Variants in TP53BP2 observed in about 807,000 individuals in gnomAD.
The protein encoded by TP53BP2 is apoptosis-stimulating of p53 protein 2.
Under a neutral mutation model 126.2 loss-of-function variants are expected in TP53BP2, and 62 were observed. The observed-to-expected ratio is 0.49, with a 90% CI of 0.40 to 0.61. TP53BP2 has a LOEUF of 0.61. Among genes scored for constraint, TP53BP2 ranks in the 20% least tolerant of loss-of-function variants. TP53BP2 has a pLI of 0.00. For synonymous variants in TP53BP2, 485 were observed against 502.9 expected (o/e 0.96, Z 0.48); for missense variants, 1,215 against 1,402.8 (o/e 0.87, Z 2.14).
At chr1:223,801,209 G>T (rs1398107629) in intron 9 of TP53BP2, among the ~76,000 whole-genome samples, 1 of 152,104 alleles carries the variant, frequency 6.6e-6, no homozygotes, top group African/African-American at 2.4e-5. Flanking sequence ...GACTTCAACT[G>T]CACTCTTTCA....
intron 5 of TP53BP2, among the ~76,000 whole-genome samples, chr1:223,805,259 G>GAA (rs56694177): frequency 3.3e-5 from 5 of 149,684 alleles, no homozygotes; most frequent in South Asian, 2.1e-4. Context: ...CATCTCAAAA[G>GAA]AAAAAAAAAC....
At chr1:223,836,939 AC>A (rs974768078) in intron 1 of TP53BP2, among the ~76,000 whole-genome samples, 6 of 151,854 alleles carry the variant, frequency 4.0e-5, no homozygotes, top group Non-Finnish European at 5.9e-5. Flanking sequence ...CAAAATAGAT[AC>A]CCCCCAAACT....
At chr1:223,827,145 A>G (rs979164368) in intron 1 of TP53BP2, among the ~76,000 whole-genome samples, 5 of 152,152 alleles carry the variant, frequency 3.3e-5, no homozygotes, top group African/African-American at 1.2e-4. Flanking sequence ...CTGAGATGAG[A>G]AAGCAAGAGA....
At chr1:223,808,216 T>C (rs953200082) in intron 4 of TP53BP2, among the ~76,000 whole-genome samples, 1 of 152,168 alleles carries the variant, frequency 6.6e-6, no homozygotes, top group African/African-American at 2.4e-5. Flanking sequence ...CAATTAGATA[T>C]TCATATTACA....
At chr1:223,844,380 A>C (rs1181111992) in intron 1 of TP53BP2, among the ~76,000 whole-genome samples, 1 of 152,208 alleles carries the variant, frequency 6.6e-6, no homozygotes, top group African/African-American at 2.4e-5. Context: ...TCTTGCTCCT[A>C]CTGTTAGGAA....
chr1:223,814,158 G>T, intron 3 of TP53BP2, 82 bp downstream of exon 3: 1 of 979,254 alleles, frequency 1.0e-6, no homozygotes, highest in Non-Finnish European at 1.6e-6. Context: ...AAATTACCTG[G>T]CTTCTCATCA....
At chr1:223,792,634 T>TA (rs1662191204) in intron 14 of TP53BP2, 112 bp from the exon 15 acceptor site, 3 of 1,034,540 alleles carry the variant, frequency 2.9e-6, no homozygotes, top group Non-Finnish European at 4.1e-6. Flanking sequence ...GTGACACTTT[T>TA]AAAAATCATA....
intron 2 of TP53BP2, 46 bp from the exon 3 acceptor site, chr1:223,814,399 GATAAAT>G: frequency 7.6e-7 from 1 of 1,317,588 alleles, no homozygotes; most frequent in Non-Finnish European, 1.1e-6. Flanking sequence ...GTAAAAGAAA[GATAAAT>G]ATATCATTCA....
At position 223,780,701 on chromosome 1, in the gene TP53BP2, C is replaced by T. The variant is rs1661740127; in HGVS notation, c.*152G>A. 2.7e-6 allele frequency: 2 copies of T among 728,130 alleles called. No homozygotes were observed. Among genetic ancestry groups the T allele is most frequent in the Admixed American group, 5.7e-5 (2 of 35,026 alleles). The allele number at this position is 728,130 out of a possible 1,614,324, so 45.1% of individuals were successfully genotyped here. A position where few individuals can be genotyped will look rare whatever the true frequency, so the allele number is the denominator to read the frequency against. On this transcript the variant is annotated 3_prime_UTR_variant, in exon 18 of 18. Transcript: ENST00000343537. ...AAATGTCCTCTAATGGTGAATTCTT[C>T]AATCCTTCATTCTCTTCTAGAGACA...
intron 14 of TP53BP2, 22 bp from the exon 15 acceptor site, chr1:223,792,544 G>GCAT (rs1558090122): frequency 6.2e-7 from 1 of 1,612,730 alleles, no homozygotes; most frequent in East Asian, 2.2e-5. Flanking sequence ...AGAAGGGTGA[G>GCAT]CATCACTCTA....
At position 223,821,303 on chromosome 1, in the gene TP53BP2, T is replaced by C. The variant is rs1316979021; in HGVS notation, c.92A>G (p.Glu31Gly). ...ATCCACCACGTCTCTGCATATTGTT[T>C]CTGGAGTAACTGGAACTTCTGTGAA... ...QHFTEVPVTP[E>G]TICRDVVDLC... The change falls in exon 2 of 18, where the codon GAA becomes GGA. Residue 31 changes from glutamate (E) to glycine (G), a missense_variant. Glu to Gly is a moderately conservative substitution (Grantham distance 98). This residue lies in a region of TP53BP2 where 814 missense variants were observed against 853.0 expected (regional missense o/e 0.95). Coordinates refer to ENST00000343537, the MANE Select transcript of TP53BP2 (RefSeq NM_001031685.3). The C allele has an allele frequency of 6.2e-7, 1 of 1,613,956 alleles. No individual in the cohort carries two copies. The highest frequency in any genetic ancestry group is 2.2e-5 in the East Asian group (1 of 44,902).
At chr1:223,844,989 G>A (rs1167929483) in intron 1 of TP53BP2, among the ~76,000 whole-genome samples, 1 of 152,172 alleles carries the variant, frequency 6.6e-6, no homozygotes, top group African/African-American at 2.4e-5. Context: ...TCTCAAACCT[G>A]CTGTTCATCT....
In TP53BP2 at chr1:223,799,965, A is replaced by G; in HGVS notation, c.1419T>C (p.Asn473=). 6.2e-7 allele frequency: 1 copy of G among 1,613,586 alleles called. No individual in the cohort carries two copies. Among genetic ancestry groups the G allele is most frequent in the African/African-American group, 1.3e-5 (1 of 75,034 alleles). The part of the protein sequence containing the change: ...FSMFDAVDQS[N]APPSFGTLRK... Reference sequence around the variant, plus strand: ...TCAGAGTACCAAAGGAAGGTGGGGCATTGGACTGGTCTACTGCATCAAACA... The same window carrying G: ...TCAGAGTACCAAAGGAAGGTGGGGCGTTGGACTGGTCTACTGCATCAAACA... The change falls in exon 11 of 18, where the codon AAT becomes AAC. Residue 473 remains asparagine (N), a synonymous_variant. Coordinates refer to ENST00000343537, the MANE Select transcript of TP53BP2 (RefSeq NM_001031685.3).
chr1:223,811,011 T>C (rs1356614796), intron 3 of TP53BP2, among the ~76,000 whole-genome samples: 1 of 152,170 alleles, frequency 6.6e-6, no homozygotes, highest in Non-Finnish European at 1.5e-5. Context: ...TCTTAATTAT[T>C]TGGTTTATTG....
intron 9 of TP53BP2, 84 bp from the exon 10 acceptor site, chr1:223,800,894 T>G: frequency 1.1e-6 from 1 of 914,180 alleles, no homozygotes; most frequent in Non-Finnish European, 1.7e-6. Context: ...TTTTAATCTC[T>G]AAAAACAGCT....
In TP53BP2 at chr1:223,821,286, C is replaced by T. The variant is rs760385670; in HGVS notation, c.109G>A (p.Val37Met). 46 of 1,613,944 alleles carry T rather than the reference C, an allele frequency of 2.9e-5. No individual in the cohort carries two copies. The highest frequency in any genetic ancestry group is 4.0e-5 in the African/African-American group (3 of 74,942). Residue 37 changes from valine to methionine, a missense_variant, in exon 2 of 18, where the codon GTG (valine) becomes ATG (methionine). This residue lies in a region of TP53BP2 where 814 missense variants were observed against 853.0 expected (regional missense o/e 0.95). Transcript: ENST00000343537. ...CCGGGTTCTTTGCACAGATCCACCA[C>T]GTCTCTGCATATTGTTTCTGGAGTA... ...PVTPETICRD[V>M]VDLCKEPGES...
intron 1 of TP53BP2, among the ~76,000 whole-genome samples, chr1:223,842,833 C>T (rs555768304): frequency 1.3e-5 from 2 of 152,302 alleles, no homozygotes; most frequent in South Asian, 4.1e-4. Context: ...CACTAAAAAG[C>T]CAAACTCTCA....
At chr1:223,804,491 C>A in intron 5 of TP53BP2, 143 bp from the exon 6 acceptor site, 1 of 712,684 alleles carries the variant, frequency 1.4e-6, no homozygotes, top group Non-Finnish European at 2.3e-6. Context: ...CTAAACACTG[C>A]CATCAGAATC....
Position 223,796,528 on chromosome 1 carries a change from A to C in TP53BP2, c.2011T>G (p.Ser671Ala). 6.2e-7 allele frequency: 1 copy of C among 1,614,010 alleles called. No homozygotes were observed. Among genetic ancestry groups the C allele is most frequent in the South Asian group, 1.1e-5 (1 of 91,070 alleles). The change falls in exon 13 of 18, where the codon TCC becomes GCC. Residue 671 changes from serine (S) to alanine (A), a missense_variant. Physicochemically the swap from Ser to Ala is moderately conservative, Grantham distance 99. Around this residue, in one of 4 missense-constraint regions of TP53BP2, gnomAD observed 814 missense variants for 853.0 expected, o/e 0.95. Coordinates refer to ENST00000343537, the MANE Select transcript of TP53BP2 (RefSeq NM_001031685.3). The surrounding 1 kb of genome is among the most constrained non-coding windows in gnomAD (Gnocchi z 4.2). Reference protein sequence around the residue: ...NQQQHPENIYSNSQGKPGSPE... With the variant: ...NQQQHPENIYANSQGKPGSPE... ...CTGCCAGGCTTGCCCTGGCTATTGG[A>C]ATAAATGTTCTCTGGGTGCTGCTGT...
Sources: gnomAD v4.1 joint callset for allele counts (sites outside exome capture counted in the v4.1 genomes callset) on GRCh38, gnomAD v4.1.1 for gene constraint, gnomAD v4.1.1 regional missense constraint, Gnocchi (gnomAD v3.1) non-coding constraint, MANE v1.5 for transcripts, NCBI Gene and HGNC (gene_info 2026-07-23, HGNC 2026-07-21) for gene names.